Variants in ZHX2 observed in about 807,000 individuals in gnomAD.
The protein encoded by ZHX2 is zinc fingers and homeoboxes 2.
ZHX2 carries 6 observed loss-of-function variants against 21.9 expected under a neutral mutation model. The observed-to-expected ratio is 0.27, with a 90% confidence interval of 0.15 to 0.54. The LOEUF is 0.54. Among genes scored for constraint, ZHX2 ranks in the 20% least tolerant of loss-of-function variants. The pLI, the probability that ZHX2 is intolerant of heterozygous loss-of-function variation, is 0.95. For missense variants in ZHX2, 908 were observed against 1,090.7 expected (o/e 0.83, Z 2.36); for synonymous variants, 434 against 437.1 (o/e 0.99, Z 0.09).
intron 1 of ZHX2, among the ~76,000 whole-genome samples, chr8:122,824,619 G>A (rs1192497676): frequency 6.6e-6 from 1 of 152,186 alleles, no homozygotes; most frequent in Non-Finnish European, 1.5e-5. Context: ...AGAAACAGAG[G>A]GTCCAAGAGG....
At chr8:122,800,492 C>T (rs1817697838) in intron 1 of ZHX2, among the ~76,000 whole-genome samples, 1 of 152,214 alleles carries the variant, frequency 6.6e-6, no homozygotes, top group African/African-American at 2.4e-5. Context: ...CGAGCTGTAG[C>T]GGCCACCCCT....
chr8:122,898,157 A>G lies in ZHX2; in HGVS notation c.-220+34618A>G, dbSNP rs1231638907. On this transcript the variant is annotated intron_variant, in intron 2 of 3. Transcript: ENST00000314393. Reference sequence around the variant, plus strand: ...CAAAAAACCCATCTAACAGATGAGGAAACTTAACCTCATAGAGGTGAAGTG... The same window carrying G: ...CAAAAAACCCATCTAACAGATGAGGGAACTTAACCTCATAGAGGTGAAGTG... Among the ~76,000 whole-genome samples, 7 of 152,320 alleles carry G rather than the reference A, an allele frequency of 4.6e-5. No individual in the cohort carries two copies. The South Asian group carries it at 1.5e-3, about 32-fold the overall frequency.
At chr8:122,934,968 G>A (rs990784384) in intron 2 of ZHX2, among the ~76,000 whole-genome samples, 4 of 152,180 alleles carry the variant, frequency 2.6e-5, no homozygotes, top group South Asian at 2.1e-4. Context: ...GATTACAGGC[G>A]TGAGCCACCG....
chr8:122,894,805 TA>T (rs1028641681), intron 2 of ZHX2, among the ~76,000 whole-genome samples: 3 of 151,888 alleles, frequency 2.0e-5, no homozygotes, highest in Non-Finnish European at 4.4e-5. Context: ...ATAAAAAATT[TA>T]AAAAAAATCC....
intron 2 of ZHX2, among the ~76,000 whole-genome samples, chr8:122,943,011 C>T (rs1812883531): frequency 6.6e-6 from 1 of 152,148 alleles, no homozygotes; most frequent in Non-Finnish European, 1.5e-5. Flanking sequence ...CCTGTAATCC[C>T]AGCATTTTGG....
intron 1 of ZHX2, among the ~76,000 whole-genome samples, chr8:122,790,385 C>A (rs1452566171): frequency 6.6e-6 from 1 of 152,164 alleles, no homozygotes; most frequent in Non-Finnish European, 1.5e-5. Context: ...ACCTTCCCTC[C>A]CCGCTTTGAT....
At chr8:122,966,814 G>C (rs12334617) in intron 3 of ZHX2, among the ~76,000 whole-genome samples, 3 of 152,140 alleles carry the variant, frequency 2.0e-5, no homozygotes, top group East Asian at 1.9e-4. Context: ...GTCATTTCAC[G>C]TAATCCCAAA....
chr8:122,848,414 C>T (rs1337905703), intron 1 of ZHX2, among the ~76,000 whole-genome samples: 1 of 152,146 alleles, frequency 6.6e-6, no homozygotes. Flanking sequence ...CCCAGTGGCT[C>T]CCTCCACTGA....
intron 2 of ZHX2, among the ~76,000 whole-genome samples, chr8:122,879,292 T>A (rs763313940): frequency 6.6e-6 from 1 of 152,100 alleles, no homozygotes. Context: ...CTGCAACCTC[T>A]GCCTCCCAGG....
intron 2 of ZHX2, among the ~76,000 whole-genome samples, chr8:122,937,473 A>G (rs892058499): frequency 6.6e-6 from 1 of 152,192 alleles, no homozygotes; most frequent in Admixed American, 6.5e-5. Flanking sequence ...TGCACACGGC[A>G]TGCACTTGGA....
At chr8:122,812,274 G>A (rs1211854077) in intron 1 of ZHX2, among the ~76,000 whole-genome samples, 1 of 152,180 alleles carries the variant, frequency 6.6e-6, no homozygotes, top group East Asian at 1.9e-4. Context: ...ATGGAAAAGA[G>A]CCTTATGGGC....
chr8:122,905,503 G>A (rs1188729068), intron 2 of ZHX2, among the ~76,000 whole-genome samples: 1 of 152,198 alleles, frequency 6.6e-6, no homozygotes, highest in Non-Finnish European at 1.5e-5. Context: ...CAACAGCTCT[G>A]CTATAAAACA....
chr8:122,920,928 C>T (rs1820722638), intron 2 of ZHX2, among the ~76,000 whole-genome samples: 1 of 152,156 alleles, frequency 6.6e-6, no homozygotes. Flanking sequence ...CGTTTGCGTC[C>T]TGCTTTGTGC....
Position 122,973,603 on chromosome 8 carries a change from G to C in ZHX2, c.*366G>C, listed in dbSNP as rs969445702. 4.6e-5 allele frequency: 7 copies of C among 152,422 alleles called. No individual in the cohort carries two copies. The highest frequency in any genetic ancestry group is 1.7e-4 in the African/African-American group (7 of 41,392). The allele number at this position is 152,422 out of a possible 1,614,324, so 9.4% of individuals were successfully genotyped here. On this transcript the variant is annotated 3_prime_UTR_variant, in exon 4 of 4. Coordinates refer to ENST00000314393, the MANE Select transcript of ZHX2 (RefSeq NM_014943.5). Reference sequence around the variant, plus strand: ...TCCTTTTCCAGCACTACCATTGTAAGGTTTTTTTCAGGAGGGAGGGCTAAC... The same window carrying C: ...TCCTTTTCCAGCACTACCATTGTAACGTTTTTTTCAGGAGGGAGGGCTAAC...
intron 1 of ZHX2, among the ~76,000 whole-genome samples, chr8:122,785,152 TCTC>T (rs771962931): frequency 5.9e-5 from 9 of 152,176 alleles, no homozygotes; most frequent in South Asian, 2.1e-4. Flanking sequence ...TCACAGAGGA[TCTC>T]CTAGAGGTGG....
intron 2 of ZHX2, among the ~76,000 whole-genome samples, chr8:122,910,738 G>A (rs1056836772): frequency 2.0e-5 from 3 of 151,858 alleles, no homozygotes; most frequent in Non-Finnish European, 4.4e-5. Flanking sequence ...CCCCTGCTGG[G>A]GGGTGGGGGG....
chr8:122,896,954 C>G (rs1369990614), intron 2 of ZHX2, among the ~76,000 whole-genome samples: 2 of 152,184 alleles, frequency 1.3e-5, no homozygotes, highest in African/African-American at 4.8e-5. Context: ...GTTCCTGTGG[C>G]CGTGAAATGG....
intron 2 of ZHX2, among the ~76,000 whole-genome samples, chr8:122,908,761 G>A (rs1473334720): frequency 1.3e-5 from 2 of 152,146 alleles, no homozygotes; most frequent in South Asian, 2.1e-4. Flanking sequence ...CTGTGGCTAG[G>A]GTAAGAATGA....
intron 2 of ZHX2, among the ~76,000 whole-genome samples, chr8:122,904,329 T>C (rs1820298060): frequency 6.6e-6 from 1 of 152,150 alleles, no homozygotes; most frequent in African/African-American, 2.4e-5. Flanking sequence ...AAAAGCCAAA[T>C]GCAGAGCCTA....
Sources: allele counts gnomAD v4.1 joint callset (sites outside exome capture counted in the v4.1 genomes callset), GRCh38; gene constraint gnomAD v4.1.1; transcripts MANE v1.5; gene names NCBI Gene and HGNC (gene_info 2026-07-23, HGNC 2026-07-21).